ADAMTSL1: variants seen among roughly 807,000 people sequenced by gnomAD.
The protein encoded by ADAMTSL1 is ADAMTS like 1.
Under a neutral mutation model 201.8 loss-of-function variants are expected in ADAMTSL1, and 126 were observed. The observed-to-expected ratio is 0.62, with a 90% CI of 0.54 to 0.72. The LOEUF is 0.72. Among genes scored for constraint, ADAMTSL1 ranks in the 30% least tolerant of loss-of-function variants. The pLI is 0.00. For synonymous variants in ADAMTSL1, 1,121 were observed against 903.4 expected (o/e 1.24, Z -4.32); for missense variants, 2,679 against 2,277.8 (o/e 1.18, Z -3.59).
intron 4 of ADAMTSL1, among the ~76,000 whole-genome samples, chr9:18,600,426 C>T (rs767743985): frequency 9.9e-5 from 15 of 152,108 alleles, no homozygotes; most frequent in Admixed American, 2.6e-4. Flanking sequence ...ATCTGTCTGA[C>T]CCTATAGCCT....
intron 2 of ADAMTSL1, among the ~76,000 whole-genome samples, chr9:18,299,315 C>T (rs1833605356): frequency 6.6e-6 from 1 of 152,160 alleles, no homozygotes; most frequent in Non-Finnish European, 1.5e-5. Context: ...AGCATGTCTA[C>T]ATATATCTTC....
chr9:18,106,681 A>G (rs1824775469), intron 1 of ADAMTSL1, among the ~76,000 whole-genome samples: 2 of 152,200 alleles, frequency 1.3e-5, no homozygotes, highest in Admixed American at 6.5e-5. Flanking sequence ...TGAAAATGCC[A>G]CCCTCACCTT....
chr9:18,361,784 G>A (rs1836532666), intron 2 of ADAMTSL1, among the ~76,000 whole-genome samples: 1 of 152,122 alleles, frequency 6.6e-6, no homozygotes, highest in Admixed American at 6.5e-5. Flanking sequence ...ATAAAGGATT[G>A]GCCTCCAACC....
intron 1 of ADAMTSL1, among the ~76,000 whole-genome samples, chr9:18,149,367 A>G (rs726327): frequency 0.48 from 72,847 of 151,836 alleles, 17,865 homozygotes; most frequent in Admixed American, 0.57. Context: ...AGCAAAGAAG[A>G]AAAAATGGTT....
At chr9:18,112,774 A>T (rs1825081137) in intron 1 of ADAMTSL1, among the ~76,000 whole-genome samples, 1 of 152,132 alleles carries the variant, frequency 6.6e-6, no homozygotes. Context: ...CTACCATGTA[A>T]ATGTTATGAA....
chr9:17,949,720 C>G (rs1432030768), intron 1 of ADAMTSL1, among the ~76,000 whole-genome samples: 1 of 152,030 alleles, frequency 6.6e-6, no homozygotes, highest in Non-Finnish European at 1.5e-5. Context: ...AGTATCAGTC[C>G]CCATATGTAT....
chr9:18,349,950 A>G (rs997016809), intron 2 of ADAMTSL1, among the ~76,000 whole-genome samples: 7 of 151,912 alleles, frequency 4.6e-5, no homozygotes, highest in African/African-American at 1.7e-4. Context: ...GCACCAACCT[A>G]GTATTTTTCT....
rs142688711 is a variant in ADAMTSL1 at position 18,687,963 on chromosome 9, T to A, written c.1574+3163T>A. 1.1e-3 allele frequency among the ~76,000 whole-genome samples: 162 copies of A among 152,260 alleles called. 1 individual carries two copies. Among genetic ancestry groups the A allele is most frequent in the African/African-American group, 3.6e-3 (151 of 41,540 alleles). On this transcript the variant is annotated intron_variant, in intron 13 of 28. Transcript: ENST00000380548. ...GATTGGCTCACATGGTGGTAATATG[T>A]AGATAGATTCATTATATAAAGCTGA...
At chr9:18,452,655 C>T (rs1275391752) in intron 2 of ADAMTSL1, among the ~76,000 whole-genome samples, 2 of 152,134 alleles carry the variant, frequency 1.3e-5, no homozygotes, top group African/African-American at 4.8e-5. Context: ...ATAGACATTC[C>T]CATTATAAAA....
At chr9:18,817,568 T>C (rs535778235) in intron 21 of ADAMTSL1, among the ~76,000 whole-genome samples, 2 of 152,094 alleles carry the variant, frequency 1.3e-5, no homozygotes, top group South Asian at 2.1e-4. Flanking sequence ...TTCATGGAAG[T>C]AGAAAATCCT....
chr9:18,298,513 T>C (rs1284972087), intron 2 of ADAMTSL1, among the ~76,000 whole-genome samples: 2 of 152,088 alleles, frequency 1.3e-5, no homozygotes, highest in African/African-American at 4.8e-5. Context: ...TCAGAATATT[T>C]GAGTAAAAGA....
intron 2 of ADAMTSL1, among the ~76,000 whole-genome samples, chr9:18,234,842 C>T (rs1008204355): frequency 3.3e-5 from 5 of 152,184 alleles, no homozygotes; most frequent in African/African-American, 1.2e-4. Context: ...CAATACCTTG[C>T]TGCAATAGGT....
At chr9:18,219,591 A>G (rs1830181376) in intron 2 of ADAMTSL1, among the ~76,000 whole-genome samples, 1 of 151,458 alleles carries the variant, frequency 6.6e-6, no homozygotes, top group Non-Finnish European at 1.5e-5. Context: ...CTGGTCTCGA[A>G]CTCCTGACCT....
chr9:18,078,944 C>T (rs1252056811), intron 1 of ADAMTSL1, among the ~76,000 whole-genome samples: 3 of 152,192 alleles, frequency 2.0e-5, no homozygotes, highest in Admixed American at 6.5e-5. Flanking sequence ...GCAGCGACCT[C>T]TCCTTGGCTC....
chr9:18,620,055 T>C lies in ADAMTSL1; in HGVS notation c.475-2188T>C, dbSNP rs560744165. 5.3e-5 allele frequency among the ~76,000 whole-genome samples: 8 copies of C among 150,336 alleles called. No individual in the cohort carries two copies. The East Asian group carries it at 1.6e-3, about 29-fold the overall frequency. On this transcript the variant is annotated intron_variant, in intron 4 of 28. Coordinates refer to ENST00000380548, the MANE Select transcript of ADAMTSL1 (RefSeq NM_001040272.6). The stretch of plus-strand genomic sequence containing the variant: ...TTTTTTTTTGGCCAACTTGGTTTTT[T>C]GCTTCCTCTCCAATTAGTTAGTATC...
At chr9:18,572,471 T>C (rs907709419) in intron 3 of ADAMTSL1, among the ~76,000 whole-genome samples, 2 of 152,228 alleles carry the variant, frequency 1.3e-5, no homozygotes, top group African/African-American at 4.8e-5. Context: ...GCTGGGTGCC[T>C]GTGTATCTGT....
intron 3 of ADAMTSL1, among the ~76,000 whole-genome samples, chr9:18,569,236 A>G (rs1822140607): frequency 6.6e-6 from 1 of 152,220 alleles, no homozygotes; most frequent in South Asian, 2.1e-4. Context: ...AATTGGATTC[A>G]TATATGGCAG....
chr9:18,669,019 C>G lies in ADAMTSL1; in HGVS notation c.1086-6838C>G, dbSNP rs115599115. Among the ~76,000 whole-genome samples the G allele has an allele frequency of 1.5e-3, 223 of 152,312 alleles. 1 individual carries two copies. The highest frequency in any genetic ancestry group is 5.2e-3 in the African/African-American group (218 of 41,580). On this transcript the variant is annotated intron_variant, in intron 9 of 28. Coordinates refer to ENST00000380548, the MANE Select transcript of ADAMTSL1 (RefSeq NM_001040272.6). ...GGCATAAAGGCAGGCAACCTGATGC[C>G]TGGTGCAGCCTTCATGCCATCAAAT...
intron 3 of ADAMTSL1, among the ~76,000 whole-genome samples, chr9:18,556,173 C>G (rs936441894): frequency 6.6e-6 from 1 of 151,848 alleles, no homozygotes; most frequent in South Asian, 2.1e-4. Context: ...TTGCCTCTGT[C>G]CAGAAGTAAT....
Sources: allele counts gnomAD v4.1 joint callset (sites outside exome capture counted in the v4.1 genomes callset), GRCh38; gene constraint gnomAD v4.1.1; transcripts MANE v1.5; gene names NCBI Gene and HGNC (gene_info 2026-07-23, HGNC 2026-07-21).